Variants in ADAP1 observed in about 807,000 individuals in gnomAD.
ADAP1 encodes ArfGAP with dual PH domains 1.
ADAP1 carries 31 observed loss-of-function variants against 54.9 expected under a neutral mutation model. The observed-to-expected ratio is 0.56, with a 90% confidence interval of 0.42 to 0.76. ADAP1 has a LOEUF of 0.76. Among genes scored for constraint, ADAP1 ranks in the 30% least tolerant of loss-of-function variants. ADAP1 has a pLI of 0.00. For missense variants in ADAP1, 535 were observed against 512.4 expected (o/e 1.04, Z -0.42); for synonymous variants, 313 against 202.6 (o/e 1.55, Z -4.63).
intron 2 of ADAP1, among the ~76,000 whole-genome samples, chr7:931,057 AGAAAGGAAGGCAGGAG>A (rs1846561466): frequency 6.8e-6 from 1 of 147,806 alleles, no homozygotes; most frequent in South Asian, 2.2e-4. Flanking sequence ...GAGGGAGGGA[AGAAAGGAAGGCAGGAG>A]GGAAGGAAGG....
In ADAP1 at chr7:938,102, C is replaced by G. The variant is rs976076746; in HGVS notation, c.83-2597G>C. 6.6e-6 allele frequency among the ~76,000 whole-genome samples: 1 copy of G among 152,156 alleles called. No homozygotes were observed. The highest frequency in any genetic ancestry group is 6.5e-5 in the Admixed American group (1 of 15,268). On this transcript the variant is annotated intron_variant, in intron 1 of 10. Transcript: ENST00000265846. The surrounding 1 kb of genome is among the most constrained non-coding windows in gnomAD (Gnocchi z 4.4). Reference sequence around the variant, plus strand: ...GGAGTTTTGCCTGTGCTGAGTAGGGCGGCTTTTGGGAGAAAGAATGCGGTT... The same window carrying G: ...GGAGTTTTGCCTGTGCTGAGTAGGGGGGCTTTTGGGAGAAAGAATGCGGTT...
chr7:904,788 G>A (rs1845013746), intron 5 of ADAP1, among the ~76,000 whole-genome samples: 1 of 152,246 alleles, frequency 6.6e-6, no homozygotes, highest in Non-Finnish European at 1.5e-5. Context: ...CCAGTGACTA[G>A]GTTCTCCCTC....
chr7:935,816 G>A (rs1334263180), intron 1 of ADAP1, among the ~76,000 whole-genome samples: 2 of 152,158 alleles, frequency 1.3e-5, no homozygotes, highest in East Asian at 1.9e-4. Flanking sequence ...CCCATGCCCC[G>A]GGCTGGAGGG....
chr7:904,908 C>A lies in ADAP1; in HGVS notation c.501+152G>T, dbSNP rs1394617789. 1.6e-5 allele frequency: 11 copies of A among 699,052 alleles called. No individual in the cohort carries two copies. The African/African-American group carries it at 1.9e-4, about 12-fold the overall frequency. 43.3% of individuals were successfully genotyped at this position (699,052 alleles called of 1,614,324 possible). On this transcript the variant is annotated intron_variant, in intron 5 of 10. Coordinates refer to ENST00000265846, the MANE Select transcript of ADAP1 (RefSeq NM_006869.4). Reference sequence around the variant, plus strand: ...CTGGGTCCGGCACACAGAGGCTCAGCCCAACACAGGCCGGTTCTCCTGGAG... The same window carrying A: ...CTGGGTCCGGCACACAGAGGCTCAGACCAACACAGGCCGGTTCTCCTGGAG...
intron 2 of ADAP1, chr7:935,124 G>C (rs960548044): frequency 1.1e-5 from 7 of 636,690 alleles, no homozygotes; most frequent in Non-Finnish European, 2.1e-5. Context: ...ACCCGCCTTC[G>C]CTCCCTGGCC....
In ADAP1 at chr7:947,768, T is replaced by G. The variant is rs369918283; in HGVS notation, c.82+6628A>C. Among the ~76,000 whole-genome samples the G allele has an allele frequency of 2.6e-5, 4 of 151,826 alleles. No homozygotes were observed. In the East Asian group the frequency reaches 7.7e-4, roughly 29 times the overall value. On this transcript the variant is annotated intron_variant, in intron 1 of 10. Transcript: ENST00000265846. ...CGCTGGCCCTACCTGCCCTGGACCC[T>G]GTGACGCGTCGTGGGCTGGGACACT...
At chr7:899,951 G>A in intron 8 of ADAP1, 151 bp downstream of exon 8, 3 of 963,842 alleles carry the variant, frequency 3.1e-6, no homozygotes, top group Non-Finnish European at 4.8e-6. Flanking sequence ...AGTCCTCGGG[G>A]ACCCCGGCCA....
chr7:927,173 G>C (rs1315239745), intron 2 of ADAP1: 1 of 1,300,272 alleles, frequency 7.7e-7, no homozygotes, highest in Non-Finnish European at 1.0e-6. Context: ...ACACACTGCA[G>C]GGACCCAGAA....
intron 1 of ADAP1, among the ~76,000 whole-genome samples, chr7:937,817 T>G (rs1217911637): frequency 6.6e-6 from 1 of 150,532 alleles, no homozygotes; most frequent in Admixed American, 6.7e-5. Context: ...GATTTGGGGG[T>G]TTTCTGTCAC....
intron 2 of ADAP1, among the ~76,000 whole-genome samples, chr7:934,424 G>T (rs1846683145): frequency 6.6e-6 from 1 of 152,024 alleles, no homozygotes; most frequent in Non-Finnish European, 1.5e-5. Context: ...CTGGAGAGGG[G>T]AGAGACATGT....
Position 945,718 on chromosome 7 carries a change from G to A in ADAP1, c.82+8678C>T, listed in dbSNP as rs1393058409. On this transcript the variant is annotated intron_variant, in intron 1 of 10. Transcript: ENST00000265846. This position sits in a 1 kb window ranked among gnomAD's most constrained non-coding sequence, Gnocchi z 4.2. ...TCCTCCTCGGAGACTGCCCACAGCCGCCAGCCTCTTTCCCTCCCTCCTCCC... is the reference window on the plus strand; with the variant it reads ...TCCTCCTCGGAGACTGCCCACAGCCACCAGCCTCTTTCCCTCCCTCCTCCC... The A allele has an allele frequency of 1.2e-5, 12 of 984,136 alleles. No homozygotes were observed. The East Asian group carries it at 3.4e-4, about 28-fold the overall frequency. The allele number at this position is 984,136 out of a possible 1,614,324, so 61.0% of individuals were successfully genotyped here.
At chr7:949,948 A>C (rs936749857) in intron 1 of ADAP1, among the ~76,000 whole-genome samples, 1 of 152,262 alleles carries the variant, frequency 6.6e-6, no homozygotes, top group African/African-American at 2.4e-5. Flanking sequence ...TCCTGGGTAC[A>C]GACCCAAACA....
chr7:918,885 G>A (rs1846042551), intron 4 of ADAP1, among the ~76,000 whole-genome samples: 2 of 152,124 alleles, frequency 1.3e-5, no homozygotes, highest in South Asian at 4.1e-4. Flanking sequence ...AAAGCCCCAG[G>A]GTTTAAATGA....
intron 2 of ADAP1, among the ~76,000 whole-genome samples, chr7:932,277 AGCCTTCCTCTCCG>A (rs1846608886): frequency 1.3e-5 from 2 of 151,982 alleles, no homozygotes; most frequent in South Asian, 4.1e-4. Flanking sequence ...CTTCCTCTCC[AGCCTTCCTCTCCG>A]GCCATCACCC....
intron 1 of ADAP1, among the ~76,000 whole-genome samples, chr7:949,104 G>A (rs1440931042): frequency 6.6e-6 from 1 of 152,250 alleles, no homozygotes; most frequent in Non-Finnish European, 1.5e-5. Context: ...AGAGTGAAGG[G>A]CTGGTCTGGT....
chr7:930,112 A>AC (rs934329496), intron 2 of ADAP1, among the ~76,000 whole-genome samples: 4 of 149,618 alleles, frequency 2.7e-5, no homozygotes, highest in African/African-American at 7.3e-5. Context: ...AAAAAAAAAA[A>AC]AAAAAAAAAA....
rs1221929844 is a variant in ADAP1, at chr7:905,451, GA to G, written c.389-280del. ...GAGAAAGGAGAAAGGGAGAAAGGGA[GA>G]AAGGGAAAGGAGAAAGGAGAAAGGG... On this transcript the variant is annotated intron_variant, in intron 4 of 10. Transcript: ENST00000265846. The G allele has an allele frequency of 5.1e-5, 5 of 98,524 alleles. 1 individual carries two copies. The highest frequency in any genetic ancestry group is 2.3e-4 in the African/African-American group (2 of 8,558). 6.1% of individuals were successfully genotyped at this position (98,524 alleles called of 1,614,324 possible).
In ADAP1 at chr7:904,413, T is replaced by A. The variant is rs111413406; in HGVS notation, c.502-141A>T. 2,095 of 1,079,404 alleles carry A rather than the reference T, an allele frequency of 1.9e-3. 36 individuals carry two copies. The African/African-American group carries it at 0.03, about 16-fold the overall frequency. The allele number at this position is 1,079,404 out of a possible 1,614,324, so 66.9% of individuals were successfully genotyped here. ...GCAAGTTACTTAAGCGCTCTGAGCC[T>A]TGGCCTCCCGGTCTGTAAGCAGAAG... On this transcript the variant is annotated intron_variant, in intron 5 of 10. Coordinates refer to ENST00000265846, the MANE Select transcript of ADAP1 (RefSeq NM_006869.4).
chr7:900,923 C>T (rs774236882), intron 6 of ADAP1: 26 of 571,332 alleles, frequency 4.6e-5, no homozygotes, highest in South Asian at 3.8e-4. Flanking sequence ...CGGGGGCTGC[C>T]ATCCAAGCTC....
Sources: gnomAD v4.1 joint callset for allele counts (sites outside exome capture counted in the v4.1 genomes callset) on GRCh38, gnomAD v4.1.1 for gene constraint, Gnocchi (gnomAD v3.1) non-coding constraint, MANE v1.5 for transcripts, NCBI Gene and HGNC (gene_info 2026-07-23, HGNC 2026-07-21) for gene names.